FSTL5: variants seen among roughly 807,000 people sequenced by gnomAD.
FSTL5 encodes the protein follistatin-related protein 5.
A neutral mutation model predicts 89.1 loss-of-function variants in FSTL5; 62 were observed. The observed-to-expected ratio is 0.70, with a 90% CI of 0.57 to 0.86. The LOEUF (loss-of-function observed/expected upper bound fraction) is 0.86, where lower values mean the gene tolerates loss of function less well. Ranked by LOEUF, FSTL5 falls within the 40% of genes least tolerant of loss-of-function variation. The probability of loss-of-function intolerance (pLI) is 0.00; values close to 1 mark genes in which losing one functional copy is unlikely to be tolerated. For synonymous variants in FSTL5, 383 were observed against 346.2 expected (o/e 1.11, Z -1.18); for missense variants, 1,057 against 1,001.6 (o/e 1.06, Z -0.75).
chr4:161,978,961 C>T (rs1353363528), intron 3 of FSTL5, among the ~76,000 whole-genome samples: 4 of 152,086 alleles, frequency 2.6e-5, no homozygotes, highest in Non-Finnish European at 5.9e-5. Context: ...GGAATAAACA[C>T]ATTATTTTTG....
At chr4:161,752,847 T>G (rs1415365948) in intron 6 of FSTL5, among the ~76,000 whole-genome samples, 1 of 152,136 alleles carries the variant, frequency 6.6e-6, no homozygotes, top group African/African-American at 2.4e-5. Flanking sequence ...CTGATAGGTT[T>G]TTTGTCCTTA....
At chr4:161,577,892 C>A (rs576316277) in intron 8 of FSTL5, among the ~76,000 whole-genome samples, 1 of 152,046 alleles carries the variant, frequency 6.6e-6, no homozygotes, top group African/African-American at 2.4e-5. Context: ...AGGGAGACTT[C>A]ATAAAACATC....
chr4:161,895,694 T>C (rs1434781505), intron 4 of FSTL5, among the ~76,000 whole-genome samples: 3 of 152,188 alleles, frequency 2.0e-5, no homozygotes, highest in South Asian at 4.1e-4. Flanking sequence ...TGTACTTAAT[T>C]CTGCCAACCA....
At chr4:161,934,152 T>C (rs1427308554) in intron 3 of FSTL5, among the ~76,000 whole-genome samples, 2 of 152,102 alleles carry the variant, frequency 1.3e-5, no homozygotes, top group African/African-American at 4.8e-5. Context: ...AGCTTAAGCA[T>C]AGTAAGTGAT....
At chr4:161,550,387 G>C (rs1463302523) in intron 8 of FSTL5, among the ~76,000 whole-genome samples, 2 of 151,780 alleles carry the variant, frequency 1.3e-5, no homozygotes, top group Non-Finnish European at 2.9e-5. Context: ...TTTCAAAAAT[G>C]ATTGTCCTAG....
chr4:161,624,044 C>CAAA (rs1735227927), intron 7 of FSTL5, among the ~76,000 whole-genome samples: 1 of 151,836 alleles, frequency 6.6e-6, no homozygotes, highest in Non-Finnish European at 1.5e-5. Context: ...TACTGTTTTT[C>CAAA]ATAAGACAAA....
intron 6 of FSTL5, among the ~76,000 whole-genome samples, chr4:161,723,896 CA>C (rs891315436): frequency 8.6e-5 from 13 of 151,844 alleles, no homozygotes; most frequent in African/African-American, 1.9e-4. Context: ...ATTCTACACA[CA>C]AAAAAAATTT....
rs111450291 is a variant in FSTL5 at position 161,818,389 on chromosome 4, C to T, written c.410-42315G>A. 6.9e-3 allele frequency among the ~76,000 whole-genome samples: 1,058 copies of T among 152,288 alleles called. 12 individuals are homozygous for T. Among genetic ancestry groups the T allele is most frequent in the African/African-American group, 0.023 (950 of 41,574 alleles). ...ATTTCCAGACATCAAGGCAAGAACC[C>T]GGGGATAAAGAAAGTCCTCTGTCCT... On this transcript the variant is annotated intron_variant, in intron 4 of 15. Coordinates refer to ENST00000306100, the MANE Select transcript of FSTL5 (RefSeq NM_020116.5).
At chr4:161,989,264 T>C (rs904051298) in intron 3 of FSTL5, among the ~76,000 whole-genome samples, 8 of 152,114 alleles carry the variant, frequency 5.3e-5, no homozygotes. Flanking sequence ...AACTAGCACA[T>C]GAAAAACTTC....
chr4:161,966,223 A>T (rs1202565156), intron 3 of FSTL5, among the ~76,000 whole-genome samples: 1 of 152,116 alleles, frequency 6.6e-6, no homozygotes, highest in African/African-American at 2.4e-5. Context: ...ATTTCAGTTC[A>T]TACTGAAGCT....
At chr4:161,777,868 G>A (rs11946425) in intron 4 of FSTL5, among the ~76,000 whole-genome samples, 111,013 of 151,456 alleles carry the variant, frequency 0.73, 40,716 homozygotes, top group Non-Finnish European at 0.76. Context: ...CTGAGGCAGG[G>A]GAATCACCTG....
chr4:161,806,565 T>C (rs535803844), intron 4 of FSTL5, among the ~76,000 whole-genome samples: 6 of 152,232 alleles, frequency 3.9e-5, no homozygotes, highest in South Asian at 2.1e-4. Context: ...CTGTTGACAA[T>C]AAAAATGCCT....
At chr4:161,584,983 T>C (rs1733556639) in intron 8 of FSTL5, among the ~76,000 whole-genome samples, 1 of 152,150 alleles carries the variant, frequency 6.6e-6, no homozygotes, top group African/African-American at 2.4e-5. Context: ...TAATATTGAA[T>C]TCCTCTTGAT....
intron 4 of FSTL5, among the ~76,000 whole-genome samples, chr4:161,790,316 A>G (rs1729414186): frequency 2.0e-5 from 3 of 152,220 alleles, no homozygotes; most frequent in Non-Finnish European, 4.4e-5. Context: ...TCCACACAAC[A>G]TGGGTACAAA....
intron 3 of FSTL5, among the ~76,000 whole-genome samples, chr4:162,000,314 G>A (rs929532249): frequency 6.6e-6 from 1 of 152,138 alleles, no homozygotes; most frequent in East Asian, 1.9e-4. Flanking sequence ...TAACAGGCCA[G>A]GTGTGGTGGC....
At chr4:161,607,221 G>A (rs542817559) in intron 7 of FSTL5, among the ~76,000 whole-genome samples, 1 of 152,256 alleles carries the variant, frequency 6.6e-6, no homozygotes, top group Admixed American at 6.5e-5. Context: ...TTATGAAAAT[G>A]TAGAGAAAAA....
intron 7 of FSTL5, among the ~76,000 whole-genome samples, chr4:161,617,002 C>A (rs968691525): frequency 1.3e-5 from 2 of 150,680 alleles, no homozygotes; most frequent in African/African-American, 4.9e-5. Flanking sequence ...AAATATTTGT[C>A]AATAAAAACT....
intron 6 of FSTL5, among the ~76,000 whole-genome samples, chr4:161,695,250 T>G (rs1208782042): frequency 6.6e-6 from 1 of 152,026 alleles, no homozygotes; most frequent in East Asian, 1.9e-4. Context: ...ATTGTGTCAT[T>G]CTTATGCCTT....
intron 13 of FSTL5, among the ~76,000 whole-genome samples, chr4:161,479,319 A>C (rs909488090): frequency 6.6e-6 from 1 of 152,082 alleles, no homozygotes; most frequent in African/African-American, 2.4e-5. Context: ...ATTTTCTATT[A>C]ATTTTAAATG....
Sources: gnomAD v4.1 joint callset for allele counts (sites outside exome capture counted in the v4.1 genomes callset) on GRCh38, gnomAD v4.1.1 for gene constraint, MANE v1.5 for transcripts, NCBI Gene and HGNC (gene_info 2026-07-23, HGNC 2026-07-21) for gene names.